CYP20A1: variants seen among roughly 807,000 people sequenced by gnomAD.
The protein encoded by CYP20A1 is cytochrome P450 20A1.
CYP20A1 carries 61 observed loss-of-function variants against 61.4 expected under a neutral mutation model. The observed-to-expected ratio is 0.99, with a 90% CI of 0.81 to 1.23. The LOEUF is 1.23. CYP20A1 is among the 50% of genes most tolerant of loss of function. CYP20A1 has a pLI of 0.00. For missense variants in CYP20A1, 530 were observed against 542.4 expected (o/e 0.98, Z 0.23); for synonymous variants, 193 against 188.2 (o/e 1.03, Z -0.21).
At chr2:203,270,859 A>G (rs1170750311) in intron 5 of CYP20A1, among the ~76,000 whole-genome samples, 1 of 143,874 alleles carries the variant, frequency 7.0e-6, no homozygotes, top group African/African-American at 2.6e-5. Context: ...GCTCACCACC[A>G]CGCCTGGCTA....
At chr2:203,259,436 T>A (rs1276259849) in intron 4 of CYP20A1, among the ~76,000 whole-genome samples, 1 of 152,056 alleles carries the variant, frequency 6.6e-6, no homozygotes, top group Non-Finnish European at 1.5e-5. Flanking sequence ...TTGTGAGATG[T>A]TGTTTAAAAG....
At chr2:203,295,327 G>C (rs367662788) in intron 11 of CYP20A1, among the ~76,000 whole-genome samples, 1 of 151,662 alleles carries the variant, frequency 6.6e-6, no homozygotes, top group Non-Finnish European at 1.5e-5. Context: ...CTCCCACCTT[G>C]GCGTCACAAA....
intron 4 of CYP20A1, among the ~76,000 whole-genome samples, chr2:203,254,991 CAAAAAAAAAAAGAGG>C (rs2066842786): frequency 7.6e-6 from 1 of 131,488 alleles, no homozygotes; most frequent in Admixed American, 7.7e-5. Context: ...ACTCCGTCTC[CAAAAAAAAAAAGAGG>C]AAAAAAGAAA....
At chr2:203,289,934 G>T in intron 10 of CYP20A1, 58 bp downstream of exon 10, 1 of 811,996 alleles carries the variant, frequency 1.2e-6, no homozygotes. Flanking sequence ...TTTGGTGTGT[G>T]TGTGTGTATA....
intron 4 of CYP20A1, among the ~76,000 whole-genome samples, chr2:203,254,009 G>A (rs1261108162): frequency 6.6e-6 from 1 of 151,880 alleles, no homozygotes; most frequent in East Asian, 1.9e-4. Flanking sequence ...ATGCAGTGGC[G>A]TGATCTCGGC....
At chr2:203,296,328 A>T in intron 11 of CYP20A1, 146 bp from the exon 12 acceptor site, 1 of 518,372 alleles carries the variant, frequency 1.9e-6, no homozygotes, top group East Asian at 3.6e-5. Flanking sequence ...TGGGAACATA[A>T]AAATAAGTGG....
intron 1 of CYP20A1, among the ~76,000 whole-genome samples, chr2:203,239,654 C>T (rs952225931): frequency 2.0e-5 from 3 of 152,138 alleles, no homozygotes; most frequent in African/African-American, 4.8e-5. Flanking sequence ...AGGTCTTGCT[C>T]CTCTTAGGGG....
intron 8 of CYP20A1, among the ~76,000 whole-genome samples, chr2:203,285,009 C>T (rs1278359188): frequency 1.3e-5 from 2 of 151,954 alleles, no homozygotes; most frequent in African/African-American, 4.8e-5. Flanking sequence ...GATTCCCTCC[C>T]AAAGTGATCC....
intron 4 of CYP20A1, among the ~76,000 whole-genome samples, chr2:203,255,098 A>G (rs1421178880): frequency 2.6e-5 from 4 of 152,264 alleles, no homozygotes; most frequent in African/African-American, 9.6e-5. Context: ...CTCTCCCACC[A>G]GCATTGCCAT....
In CYP20A1 at chr2:203,300,800, A is replaced by T. The variant is rs2068987846; in HGVS notation, c.*3892A>T. 6.6e-6 allele frequency among the ~76,000 whole-genome samples: 1 copy of T among 151,014 alleles called. No homozygotes were observed. The highest frequency in any genetic ancestry group is 2.4e-5 in the African/African-American group (1 of 41,094). ...GCTACTTGAGACGCTGAGGCAGGAA[A>T]ATTGCTTGAACCCGTGAGGCAGAGG... On this transcript the variant is annotated 3_prime_UTR_variant, in exon 13 of 13. Coordinates refer to ENST00000356079, the MANE Select transcript of CYP20A1 (RefSeq NM_177538.3).
chr2:203,287,712 AG>A lies in CYP20A1; in HGVS notation c.971+1981del, dbSNP rs1414495997. On this transcript the variant is annotated intron_variant, in intron 9 of 12. Coordinates refer to ENST00000356079, the MANE Select transcript of CYP20A1 (RefSeq NM_177538.3). ...AGCAAGAACCTATCTCTTAAAAATA[AG>A]TAAATAAATAATTTTTAAAAGTTTA... Among the ~76,000 whole-genome samples, 9 of 151,378 alleles carry A rather than the reference AG, an allele frequency of 5.9e-5. No homozygotes were observed. In the East Asian group the frequency reaches 1.6e-3, roughly 26 times the overall value.
intron 6 of CYP20A1, among the ~76,000 whole-genome samples, chr2:203,276,213 A>G (rs1369815787): frequency 3.3e-5 from 5 of 152,188 alleles, no homozygotes; most frequent in African/African-American, 1.2e-4. Context: ...TATGGCTGGA[A>G]TGAAGTGAGT....
At chr2:203,251,912 G>T (rs1193611445) in intron 3 of CYP20A1, 55 bp from the exon 4 acceptor site, 6 of 1,374,582 alleles carry the variant, frequency 4.4e-6, no homozygotes, top group Admixed American at 4.4e-5. Context: ...TCTCTTACAG[G>T]GTATCTTTTT....
intron 5 of CYP20A1, 107 bp downstream of exon 5, chr2:203,266,788 C>T (rs2067340669): frequency 2.2e-6 from 2 of 898,906 alleles, no homozygotes; most frequent in South Asian, 3.1e-5. Flanking sequence ...AAAGACCAGC[C>T]TGCCCCACAT....
Position 203,296,754 on chromosome 2 carries a change from C to T in CYP20A1, c.1239-4C>T. The T allele has an allele frequency of 6.3e-7, 1 of 1,577,494 alleles. No individual in the cohort carries two copies. The highest frequency in any genetic ancestry group is 8.6e-7 in the Non-Finnish European group (1 of 1,169,504). ...AGTAACTAATTGACTTTCTTCCTGA[C>T]TAGGTTTGCATATATGGTGACCACA... On this transcript the variant is annotated splice_polypyrimidine_tract_variant and splice_region_variant and intron_variant, in intron 12 of 12. Coordinates refer to ENST00000356079, the MANE Select transcript of CYP20A1 (RefSeq NM_177538.3).
At position 203,300,781 on chromosome 2, in the gene CYP20A1, T is replaced by C. The variant is rs1020513982; in HGVS notation, c.*3873T>C. 8.7e-5 allele frequency among the ~76,000 whole-genome samples: 13 copies of C among 149,054 alleles called. No homozygotes were observed. Among genetic ancestry groups the C allele is most frequent in the Non-Finnish European group, 1.6e-4 (11 of 67,544 alleles). On this transcript the variant is annotated 3_prime_UTR_variant, in exon 13 of 13. Transcript: ENST00000356079. The stretch of plus-strand genomic sequence containing the variant: ...GAGCATCCCTGTAATCCTAGCTACT[T>C]GAGACGCTGAGGCAGGAAAATTGCT...
chr2:203,290,133 G>T (rs902787944), intron 10 of CYP20A1, among the ~76,000 whole-genome samples: 21 of 152,014 alleles, frequency 1.4e-4, no homozygotes, highest in African/African-American at 5.1e-4. Flanking sequence ...TAGAGACGGG[G>T]TTTCACCATC....
At position 203,305,571 on chromosome 2, in the gene CYP20A1, T is replaced by C. The variant is rs2069185516; in HGVS notation, c.*8663T>C. On this transcript the variant is annotated 3_prime_UTR_variant, in exon 13 of 13. Coordinates refer to ENST00000356079, the MANE Select transcript of CYP20A1 (RefSeq NM_177538.3). Reference sequence around the variant, plus strand: ...GTGATAAATAGATCTTGTTATAGTATGTGATAAAATGCCATGATCAAATAA... The same window carrying C: ...GTGATAAATAGATCTTGTTATAGTACGTGATAAAATGCCATGATCAAATAA... 6.6e-6 allele frequency: 1 copy of C among 152,200 alleles called. No homozygotes were observed. The highest frequency in any genetic ancestry group is 1.5e-5 in the Non-Finnish European group (1 of 68,048). 9.4% of individuals were successfully genotyped at this position (152,200 alleles called of 1,614,324 possible).
At chr2:203,258,807 C>T (rs959260962) in intron 4 of CYP20A1, among the ~76,000 whole-genome samples, 1 of 152,122 alleles carries the variant, frequency 6.6e-6, no homozygotes, top group Non-Finnish European at 1.5e-5. Flanking sequence ...TTCCTGTTAC[C>T]TCTCATTTTC....
Sources: allele counts gnomAD v4.1 joint callset (sites outside exome capture counted in the v4.1 genomes callset), GRCh38; gene constraint gnomAD v4.1.1; transcripts MANE v1.5; gene names NCBI Gene and HGNC (gene_info 2026-07-23, HGNC 2026-07-21).